Variants in PCNX2 observed in about 807,000 individuals in gnomAD.
The protein encoded by PCNX2 is pecanex-like protein 2.
Under a neutral mutation model 223.8 loss-of-function variants are expected in PCNX2, and 168 were observed. The ratio of observed to expected loss-of-function variants is 0.75; its 90% CI spans 0.66 to 0.85. The LOEUF is 0.85. Among genes scored for constraint, PCNX2 ranks in the 40% least tolerant of loss-of-function variants. The pLI is 0.00. For synonymous variants in PCNX2, 1,006 were observed against 1,052.6 expected, an observed-to-expected ratio of 0.96 and a Z score of 0.86; for missense variants, 2,507 against 2,675.5, an observed-to-expected ratio of 0.94 and a Z score of 1.39.
intron 21 of PCNX2, among the ~76,000 whole-genome samples, chr1:233,117,079 C>T (rs1377421385): frequency 1.3e-5 from 2 of 152,120 alleles, no homozygotes; most frequent in Non-Finnish European, 2.9e-5. Context: ...ACACAGCTAT[C>T]AGAAAACCCA....
At chr1:233,251,480 AC>A (rs370300226) in intron 7 of PCNX2, among the ~76,000 whole-genome samples, 14 of 152,328 alleles carry the variant, frequency 9.2e-5, no homozygotes, top group African/African-American at 3.4e-4. Flanking sequence ...TTCAGTTGAC[AC>A]AGGAAGCATA....
At chr1:233,283,201 A>G (rs1035431007) in intron 1 of PCNX2, among the ~76,000 whole-genome samples, 1 of 152,152 alleles carries the variant, frequency 6.6e-6, no homozygotes, top group African/African-American at 2.4e-5. Context: ...AAATAATGGA[A>G]GGAGAGAAAG....
At chr1:233,136,055 GA>G (rs1676784797) in intron 20 of PCNX2, among the ~76,000 whole-genome samples, 1 of 152,208 alleles carries the variant, frequency 6.6e-6, no homozygotes, top group African/African-American at 2.4e-5. Context: ...AATCCATCTT[GA>G]GATTGGAGGG....
At chr1:233,313,100 C>T in the PCNX2 span, among the ~76,000 whole-genome samples, 58 of 152,252 alleles carry the variant, frequency 3.8e-4, no homozygotes, top group Non-Finnish European at 8.8e-5. Flanking sequence ...AAATGTTGAT[C>T]TCAATAAGCT....
intron 26 of PCNX2, among the ~76,000 whole-genome samples, chr1:233,019,741 G>A (rs991895018): frequency 6.7e-6 from 1 of 148,854 alleles, no homozygotes; most frequent in Non-Finnish European, 1.5e-5. Context: ...TAGGGGACAG[G>A]AGAACCGTTG....
intron 25 of PCNX2, chr1:233,032,033 C>G (rs1671285923): frequency 1.0e-6 from 1 of 982,982 alleles, no homozygotes; most frequent in African/African-American, 1.8e-5. Context: ...GCTTGCTGTA[C>G]ATTAATAATA....
At chr1:233,016,524 A>G (rs954072318) in intron 27 of PCNX2, among the ~76,000 whole-genome samples, 8 of 152,210 alleles carry the variant, frequency 5.3e-5, no homozygotes, top group Non-Finnish European at 1.0e-4. Flanking sequence ...AAGTTGGACC[A>G]TCTGATTGCT....
intron 24 of PCNX2, chr1:233,054,834 T>A (rs770849394): frequency 2.6e-5 from 4 of 155,304 alleles, no homozygotes; most frequent in Non-Finnish European, 4.3e-5. Flanking sequence ...TGGATACCAT[T>A]TGTTCTTAAA....
At chr1:233,302,029 C>T in the PCNX2 span, among the ~76,000 whole-genome samples, 12 of 152,116 alleles carry the variant, frequency 7.9e-5, no homozygotes, top group East Asian at 3.9e-4. Flanking sequence ...CTCCTGACCT[C>T]GGGTAATGCC....
At chr1:233,203,639 C>T (rs1295258489) in intron 13 of PCNX2, among the ~76,000 whole-genome samples, 1 of 152,132 alleles carries the variant, frequency 6.6e-6, no homozygotes, top group Non-Finnish European at 1.5e-5. Flanking sequence ...CAAGGAGTTT[C>T]TCCATCCTTC....
chr1:233,061,780 A>G (rs1234498535), intron 23 of PCNX2, among the ~76,000 whole-genome samples: 2 of 151,482 alleles, frequency 1.3e-5, no homozygotes, highest in African/African-American at 4.9e-5. Flanking sequence ...TTTTTTTGAG[A>G]CAGAGTCTTA....
At chr1:233,042,205 C>T (rs1671667979) in intron 25 of PCNX2, among the ~76,000 whole-genome samples, 1 of 152,186 alleles carries the variant, frequency 6.6e-6, no homozygotes, top group African/African-American at 2.4e-5. Context: ...GTAACATCTG[C>T]CCCTACCTGC....
intron 19 of PCNX2, 160 bp downstream of exon 19, chr1:233,160,122 TC>T: frequency 8.1e-6 from 6 of 736,434 alleles, no homozygotes; most frequent in Non-Finnish European, 1.3e-5. Context: ...TCTCCTTTTT[TC>T]TTTTTTATTG....
intron 25 of PCNX2, among the ~76,000 whole-genome samples, chr1:233,046,666 A>G (rs910489189): frequency 6.6e-6 from 1 of 152,220 alleles, no homozygotes; most frequent in African/African-American, 2.4e-5. Context: ...AAGAAGGGAT[A>G]TCAATGAGCA....
chr1:233,250,509 AC>A, intron 8 of PCNX2: 1 of 937,942 alleles, frequency 1.1e-6, no homozygotes, highest in Non-Finnish European at 1.3e-6. Context: ...TATTTATACT[AC>A]CTACATGTTA....
intron 1 of PCNX2, among the ~76,000 whole-genome samples, chr1:233,265,555 A>C (rs538468210): frequency 6.6e-6 from 1 of 152,342 alleles, no homozygotes; most frequent in African/African-American, 2.4e-5. Flanking sequence ...AAGATGATGC[A>C]GTTTCTTTCA....
chr1:233,133,826 C>T (rs1052628712), intron 21 of PCNX2, among the ~76,000 whole-genome samples: 1 of 152,162 alleles, frequency 6.6e-6, no homozygotes, highest in Non-Finnish European at 1.5e-5. Flanking sequence ...TGCCACTGCA[C>T]TCCAGCCTGT....
At chr1:233,269,547 T>C (rs995805370) in intron 1 of PCNX2, among the ~76,000 whole-genome samples, 1 of 152,218 alleles carries the variant, frequency 6.6e-6, no homozygotes, top group Non-Finnish European at 1.5e-5. Context: ...TATCTAGGAT[T>C]ACAAAGAAAA....
rs974505968 is a variant in PCNX2, at chr1:233,167,729, G to A, written c.3274-6366C>T. Reference sequence around the variant, plus strand: ...TAAAAAATAAAAATATCTTTAAAAGGAATCTTGTAAAACACCTGAACTTCA... The same window carrying A: ...TAAAAAATAAAAATATCTTTAAAAGAAATCTTGTAAAACACCTGAACTTCA... On this transcript the variant is annotated intron_variant, in intron 17 of 33. Transcript: ENST00000258229. The A allele has an allele frequency of 8.1e-6, 8 of 983,552 alleles. No homozygotes were observed. The East Asian group carries it at 7.9e-4, about 98-fold the overall frequency. The allele number at this position is 983,552 out of a possible 1,614,324, so 60.9% of individuals were successfully genotyped here.
Sources: gnomAD v4.1 joint callset for allele counts (sites outside exome capture counted in the v4.1 genomes callset) on GRCh38, gnomAD v4.1.1 for gene constraint, MANE v1.5 for transcripts, NCBI Gene and HGNC (gene_info 2026-07-23, HGNC 2026-07-21) for gene names.